The following SKAP2 variants were observed in gnomAD, a reference collection of about 807,000 sequenced individuals.
SKAP2 encodes src kinase associated phosphoprotein 2.
SKAP2 carries 28 observed loss-of-function variants against 54.9 expected under a neutral mutation model. The ratio of observed to expected loss-of-function variants is 0.51; its 90% CI spans 0.38 to 0.70. The LOEUF (loss-of-function observed/expected upper bound fraction) is 0.70. SKAP2 is among the 30% of genes least tolerant of loss of function. The pLI, the probability that SKAP2 is intolerant of heterozygous loss-of-function variation, is 0.00. For synonymous variants in SKAP2, 137 were observed against 134.3 expected (o/e 1.02, Z -0.14); for missense variants, 356 against 424.1 (o/e 0.84, Z 1.41).
downstream of SKAP2, among the ~76,000 whole-genome samples, chr7:26,666,103 T>G (rs1396869548): frequency 6.6e-6 from 1 of 152,088 alleles, no homozygotes; most frequent in East Asian, 1.9e-4. Flanking sequence ...TTCTTTACCA[T>G]GTGGATTGCT....
chr7:26,762,441 C>T (rs1325387389), intron 4 of SKAP2, among the ~76,000 whole-genome samples: 1 of 152,128 alleles, frequency 6.6e-6, no homozygotes, highest in African/African-American at 2.4e-5. Flanking sequence ...TAAACACATA[C>T]ACGTGTATGT....
chr7:26,660,333 T>C, the SKAP2 span, among the ~76,000 whole-genome samples: 1 of 152,206 alleles, frequency 6.6e-6, no homozygotes, highest in East Asian at 1.9e-4. Flanking sequence ...AGATGTGAAA[T>C]GAGAATAATC....
intron 9 of SKAP2, among the ~76,000 whole-genome samples, chr7:26,699,810 C>T (rs1323410308): frequency 6.6e-6 from 1 of 151,928 alleles, no homozygotes; most frequent in Non-Finnish European, 1.5e-5. Context: ...ATTGTTCATC[C>T]ACCACATGAA....
chr7:26,731,254 A>C (rs1415856137), intron 6 of SKAP2, among the ~76,000 whole-genome samples: 1 of 152,194 alleles, frequency 6.6e-6, no homozygotes. Flanking sequence ...TAGGAAACCA[A>C]ATTTTTAGCA....
downstream of SKAP2, among the ~76,000 whole-genome samples, chr7:26,662,909 G>C (rs969266200): frequency 1.3e-5 from 2 of 152,042 alleles, no homozygotes; most frequent in African/African-American, 4.8e-5. Context: ...CCAGCTCCTT[G>C]GAATAGCCTG....
chr7:26,846,005 G>A (rs1784914215), intron 3 of SKAP2, among the ~76,000 whole-genome samples: 1 of 152,120 alleles, frequency 6.6e-6, no homozygotes, highest in Non-Finnish European at 1.5e-5. Flanking sequence ...TTCATAAAGT[G>A]CTAGTAAACA....
chr7:26,850,472 A>C (rs1785016335), intron 3 of SKAP2, among the ~76,000 whole-genome samples: 1 of 151,952 alleles, frequency 6.6e-6, no homozygotes, highest in Admixed American at 6.6e-5. Context: ...CAGGAGGCTA[A>C]ATGGAAAAAG....
At chr7:26,742,647 T>A (rs1273563054) in intron 4 of SKAP2, among the ~76,000 whole-genome samples, 8 of 152,160 alleles carry the variant, frequency 5.3e-5, no homozygotes, top group Admixed American at 5.2e-4. Flanking sequence ...ACATTTTTTT[T>A]AACTGAAATT....
chr7:26,849,351 T>G (rs760145548), intron 3 of SKAP2, among the ~76,000 whole-genome samples: 3 of 152,136 alleles, frequency 2.0e-5, no homozygotes, highest in Non-Finnish European at 4.4e-5. Context: ...GAGACTTTTA[T>G]CTATCTCTAG....
intron 4 of SKAP2, among the ~76,000 whole-genome samples, chr7:26,803,168 C>A (rs1341982964): frequency 6.6e-6 from 1 of 152,086 alleles, no homozygotes; most frequent in African/African-American, 2.4e-5. Context: ...ATACAATCAA[C>A]AAAATGAAGA....
At chr7:26,795,068 AT>A (rs1783746381) in intron 4 of SKAP2, among the ~76,000 whole-genome samples, 1 of 152,224 alleles carries the variant, frequency 6.6e-6, no homozygotes, top group African/African-American at 2.4e-5. Context: ...TTGAGAACCA[AT>A]TAAAGAGATT....
chr7:26,741,332 C>T (rs147070292), intron 4 of SKAP2, among the ~76,000 whole-genome samples: 5 of 152,090 alleles, frequency 3.3e-5, no homozygotes, highest in African/African-American at 1.2e-4. Flanking sequence ...GCTTGGGTAA[C>T]ACAGTGAGAC....
intron 4 of SKAP2, among the ~76,000 whole-genome samples, chr7:26,762,362 T>C (rs551825612): frequency 1.4e-4 from 21 of 152,312 alleles, no homozygotes; most frequent in African/African-American, 1.9e-4. Flanking sequence ...TTTTGTTCTA[T>C]TGCTAGCTGT....
chr7:26,821,797 C>T (rs1430581045), intron 4 of SKAP2, among the ~76,000 whole-genome samples: 4 of 152,134 alleles, frequency 2.6e-5, no homozygotes, highest in Non-Finnish European at 4.4e-5. Context: ...GCTATTTACT[C>T]CCCTTTGTCC....
At chr7:26,704,685 A>ATATATT in intron 9 of SKAP2, among the ~76,000 whole-genome samples, 1 of 152,190 alleles carries the variant, frequency 6.6e-6, no homozygotes, top group South Asian at 2.1e-4. Flanking sequence ...TTCTGTAGAA[A>ATATATT]GGGGCTGCCA....
In SKAP2 at chr7:26,668,033, A is replaced by T. The variant is rs1329841554; in HGVS notation, c.*1633T>A. ...TCTCTCTATATAAACTTGTTTACTC[A>T]CAATCCCTAAAATCAAATTTCTTTT... is the stretch of plus-strand genomic sequence containing the variant. On this transcript the variant is annotated 3_prime_UTR_variant, in exon 13 of 13. Transcript: ENST00000345317. 1.2e-4 allele frequency: 18 copies of T among 151,856 alleles called. No individual in the cohort carries two copies. Among genetic ancestry groups the T allele is most frequent in the Admixed American group, 1.2e-3 (18 of 15,230 alleles). 9.4% of individuals were successfully genotyped at this position (151,856 alleles called of 1,614,324 possible).
intron 4 of SKAP2, among the ~76,000 whole-genome samples, chr7:26,829,165 T>C (rs1784554334): frequency 6.6e-6 from 1 of 152,102 alleles, no homozygotes; most frequent in South Asian, 2.1e-4. Context: ...GAGAAAATAT[T>C]TACCAATCAT....
At chr7:26,656,301 T>A in the SKAP2 span, among the ~76,000 whole-genome samples, 1 of 152,208 alleles carries the variant, frequency 6.6e-6, no homozygotes, top group African/African-American at 2.4e-5. Context: ...ATACAGGACT[T>A]TTCTGCATCC....
chr7:26,756,662 C>T (rs1782801124), intron 4 of SKAP2, among the ~76,000 whole-genome samples: 2 of 152,142 alleles, frequency 1.3e-5, no homozygotes. Context: ...GTCTTTATAG[C>T]AGCATGATTT....
Sources: allele counts gnomAD v4.1 joint callset (sites outside exome capture counted in the v4.1 genomes callset), GRCh38; gene constraint gnomAD v4.1.1; transcripts MANE v1.5; gene names NCBI Gene and HGNC (gene_info 2026-07-23, HGNC 2026-07-21).